Variants in ATAD2B observed in about 807,000 individuals in gnomAD.
ATAD2B encodes ATPase family AAA domain-containing protein 2B.
A neutral mutation model predicts 167.6 loss-of-function variants in ATAD2B; 40 were observed. The observed-to-expected ratio is 0.24, with a 90% CI of 0.19 to 0.31. The LOEUF is 0.31. Ranked by LOEUF, ATAD2B falls within the 10% of genes least tolerant of loss-of-function variation. The pLI is 1.00. For missense variants in ATAD2B, 1,242 were observed against 1,757.2 expected, an observed-to-expected ratio of 0.71 and a Z score of 5.24; for synonymous variants, 579 against 596.5, an observed-to-expected ratio of 0.97 and a Z score of 0.43.
the ATAD2B span, chr2:23,703,060 G>A: frequency 1.3e-5 from 8 of 614,480 alleles, no homozygotes; most frequent in Non-Finnish European, 2.0e-5. Context: ...CACTGCTGGT[G>A]TGATCTCAGG....
At chr2:23,897,905 T>C (rs540144850) in intron 1 of ATAD2B, among the ~76,000 whole-genome samples, 1 of 152,224 alleles carries the variant, frequency 6.6e-6, no homozygotes, top group East Asian at 1.9e-4. Context: ...TGCAATTAAG[T>C]GCTCTCAGCA....
intron 1 of ATAD2B, among the ~76,000 whole-genome samples, chr2:23,909,444 A>G (rs1701948188): frequency 3.3e-5 from 5 of 151,256 alleles, no homozygotes; most frequent in Admixed American, 3.3e-4. Context: ...ACATACATAT[A>G]TATATATACA....
the ATAD2B span, chr2:23,693,316 G>A: frequency 9.7e-6 from 15 of 1,549,654 alleles, no homozygotes; most frequent in Admixed American, 2.0e-5. Context: ...GGCCATGGCC[G>A]AGGCCATGCA....
chr2:23,741,640 TG>T, the ATAD2B span, among the ~76,000 whole-genome samples: 2 of 152,144 alleles, frequency 1.3e-5, no homozygotes, highest in African/African-American at 4.8e-5. Context: ...GACATAGGCA[TG>T]GGCAAGGACG....
the ATAD2B span, among the ~76,000 whole-genome samples, chr2:23,711,757 G>A: frequency 6.6e-6 from 1 of 152,058 alleles, no homozygotes; most frequent in Non-Finnish European, 1.5e-5. Flanking sequence ...AGTTAGAGAG[G>A]TTCACTATCA....
chr2:23,891,420 G>A (rs551389173), intron 2 of ATAD2B, among the ~76,000 whole-genome samples: 29 of 152,106 alleles, frequency 1.9e-4, no homozygotes, highest in African/African-American at 5.5e-4. Flanking sequence ...AAATTGAGTG[G>A]GTAGCTATTT....
At chr2:23,680,575 C>T in the ATAD2B span, among the ~76,000 whole-genome samples, 1 of 152,152 alleles carries the variant, frequency 6.6e-6, no homozygotes, top group Admixed American at 6.5e-5. The surrounding 1 kb of genome is among the most constrained non-coding windows in gnomAD (Gnocchi z 4.1). Flanking sequence ...GCTGCCAGGA[C>T]TCCACTCGCC....
chr2:23,810,953 G>A (rs1312846318), intron 17 of ATAD2B, among the ~76,000 whole-genome samples: 1 of 151,778 alleles, frequency 6.6e-6, no homozygotes, highest in African/African-American at 2.4e-5. Flanking sequence ...GAAGGTTGCA[G>A]TGAGCCGAGA....
At chr2:23,910,914 C>T (rs1393589655) in intron 1 of ATAD2B, among the ~76,000 whole-genome samples, 9 of 150,012 alleles carry the variant, frequency 6.0e-5, no homozygotes, top group African/African-American at 2.0e-4. Flanking sequence ...TGGAGGAGCA[C>T]GTTAAAGAGT....
chr2:23,822,035 T>C (rs1279549926), intron 16 of ATAD2B, among the ~76,000 whole-genome samples: 3 of 152,172 alleles, frequency 2.0e-5, no homozygotes, highest in Non-Finnish European at 4.4e-5. Flanking sequence ...AAACTCAAGA[T>C]CCTCTAAAAT....
At chr2:23,795,705 C>T (rs1572785528) in intron 19 of ATAD2B, among the ~76,000 whole-genome samples, 2 of 151,844 alleles carry the variant, frequency 1.3e-5, no homozygotes, top group South Asian at 4.2e-4. Flanking sequence ...CATGGTGAAA[C>T]CCCATCTCTA....
In ATAD2B at chr2:23,867,829, A is replaced by G. The variant is rs772717757; in HGVS notation, c.1188+6T>C. 6.3e-7 allele frequency: 1 copy of G among 1,579,176 alleles called. No homozygotes were observed. The highest frequency in any genetic ancestry group is 8.6e-7 in the Non-Finnish European group (1 of 1,159,982). On this transcript the variant is annotated splice_donor_region_variant and intron_variant, in intron 10 of 27. Coordinates refer to ENST00000238789, the MANE Select transcript of ATAD2B (RefSeq NM_017552.4). ...AAACTTCTAGAAAAACATTTACAAA[A>G]CTTACTGATTTATCAATGTTCATTG...
At chr2:23,880,827 C>T in intron 6 of ATAD2B, 72 bp from the exon 7 acceptor site, 1 of 881,054 alleles carries the variant, frequency 1.1e-6, no homozygotes. Flanking sequence ...TACTCTAGAA[C>T]TGAATATTTA....
intron 17 of ATAD2B, among the ~76,000 whole-genome samples, chr2:23,817,882 T>A (rs1248692143): frequency 1.3e-5 from 2 of 152,142 alleles, no homozygotes; most frequent in Admixed American, 1.3e-4. Flanking sequence ...TCACATTAAA[T>A]CAGTGGCAGG....
rs772340261 is a variant in ATAD2B at position 23,884,747 on chromosome 2, A to C, written c.784+18T>G. 1.4e-6 allele frequency: 2 copies of C among 1,478,502 alleles called. No individual in the cohort carries two copies. The highest frequency in any genetic ancestry group is 2.6e-5 in the South Asian group (2 of 78,166). The allele number at this position is 1,478,502 out of a possible 1,614,324, so 91.6% of individuals were successfully genotyped here. On this transcript the variant is annotated intron_variant, in intron 6 of 27. Coordinates refer to ENST00000238789, the MANE Select transcript of ATAD2B (RefSeq NM_017552.4). ...TCCCACCTGAACTTTCTAGAATTCC[A>C]AAAAGTGCTTTACAAACCTTCTTCT... is the stretch of plus-strand genomic sequence containing the variant.
At chr2:23,714,906 AGATT>A in the ATAD2B span, among the ~76,000 whole-genome samples, 1 of 152,170 alleles carries the variant, frequency 6.6e-6, no homozygotes, top group Non-Finnish European at 1.5e-5. Flanking sequence ...AGAAGGAATA[AGATT>A]GATATTCTCT....
chr2:23,698,493 G>T, the ATAD2B span, among the ~76,000 whole-genome samples: 2 of 152,176 alleles, frequency 1.3e-5, no homozygotes, highest in Admixed American at 1.3e-4. Context: ...ACACGAGGGG[G>T]CTTTGTTCCC....
intron 18 of ATAD2B, among the ~76,000 whole-genome samples, chr2:23,800,421 C>T (rs1225018708): frequency 1.3e-5 from 2 of 152,114 alleles, no homozygotes; most frequent in Non-Finnish European, 2.9e-5. Flanking sequence ...GAACATCTAG[C>T]CATTAACAAG....
At chr2:23,805,124 C>A (rs1016252270) in intron 18 of ATAD2B, among the ~76,000 whole-genome samples, 3 of 141,242 alleles carry the variant, frequency 2.1e-5, no homozygotes, top group African/African-American at 5.2e-5. Flanking sequence ...GCCTGGACAA[C>A]AAGAGCAAAA....
Sources: allele counts gnomAD v4.1 joint callset (sites outside exome capture counted in the v4.1 genomes callset), GRCh38; gene constraint gnomAD v4.1.1; non-coding constraint Gnocchi (gnomAD v3.1); transcripts MANE v1.5; gene names NCBI Gene and HGNC (gene_info 2026-07-23, HGNC 2026-07-21).